THAP5: variants seen among roughly 807,000 people sequenced by gnomAD.
The protein encoded by THAP5 is THAP domain-containing protein 5.
A neutral mutation model predicts 34.0 loss-of-function variants in THAP5; 26 were observed. The ratio of observed to expected loss-of-function variants is 0.77; its 90% CI spans 0.56 to 1.06. THAP5 has a LOEUF of 1.06. Ranked by LOEUF, THAP5 falls within the 50% of genes least tolerant of loss-of-function variation. The pLI is 0.00. For synonymous variants in THAP5, 125 were observed against 153.0 expected (o/e 0.82, Z 1.35); for missense variants, 394 against 452.8 (o/e 0.87, Z 1.18).
intron 2 of THAP5, chr7:108,565,581 A>G: frequency 3.5e-6 from 1 of 288,270 alleles, no homozygotes; most frequent in Non-Finnish European, 6.4e-6. Flanking sequence ...CAAAAAAAGT[A>G]TAAAAAATAA....
chr7:108,566,358 T>G (rs556920022), intron 1 of THAP5, among the ~76,000 whole-genome samples: 1 of 152,360 alleles, frequency 6.6e-6, no homozygotes, highest in Admixed American at 6.5e-5. Flanking sequence ...TTTATATTGC[T>G]GTACAGTTTG....
downstream of THAP5, among the ~76,000 whole-genome samples, chr7:108,553,496 C>T (rs1864366648): frequency 6.6e-6 from 1 of 152,212 alleles, no homozygotes; most frequent in Admixed American, 6.5e-5. Flanking sequence ...TTTGTACTTA[C>T]TCTTTGGAAC....
rs1790446787 is a variant in THAP5, at chr7:108,564,750, G to C, written c.629C>G (p.Ser210Ter). The change falls in exon 3 of 3, where the codon TCA (serine) becomes TGA (stop). Residue 210 changes from serine (S) to a stop codon, truncating the protein, a stop_gained. Transcript: ENST00000415914. LOFTEE classifies it high-confidence loss of function. ...LNSTTITLTTSNSESIHQSLE... is the reference protein window; with the variant it reads ...LNSTTITLTT ...AGATTGATGAATACTTTCTGAATTT[G>C]AAGTTGTCAAAGTAATAGTTGTAGA... The C allele has an allele frequency of 6.2e-7, 1 of 1,613,402 alleles. No individual in the cohort carries two copies. The highest frequency in any genetic ancestry group is 1.7e-5 in the Admixed American group (1 of 59,948).
the THAP5 span, among the ~76,000 whole-genome samples, chr7:108,549,281 C>G: frequency 1.3e-5 from 2 of 151,980 alleles, no homozygotes; most frequent in Non-Finnish European, 2.9e-5. Context: ...ACCACCACGC[C>G]CAGCTAATTT....
At chr7:108,549,227 T>C in the THAP5 span, among the ~76,000 whole-genome samples, 1 of 151,958 alleles carries the variant, frequency 6.6e-6, no homozygotes, top group South Asian at 2.1e-4. Flanking sequence ...GTTCAAGTGA[T>C]TTTCCTGCCT....
chr7:108,565,243 C>T, intron 2 of THAP5, 138 bp from the exon 3 acceptor site: 2 of 607,694 alleles, frequency 3.3e-6, no homozygotes, highest in Non-Finnish European at 5.4e-6. Context: ...AGTATATATA[C>T]CTTAAAGTAT....
In THAP5 at chr7:108,565,034, G is replaced by C; in HGVS notation, c.345C>G (p.Ala115=). 1 of 1,544,782 alleles carries C rather than the reference G, an allele frequency of 6.5e-7. No homozygotes were observed. The highest frequency in any genetic ancestry group is 8.7e-7 in the Non-Finnish European group (1 of 1,143,898). The change falls in exon 3 of 3, where the codon GCC becomes GCG. Residue 115 remains alanine, a synonymous_variant. Transcript: ENST00000415914. ...LEDEKEVCPK[A]KSEESFVLNE... ...TTAATACAAATGATTCTTCTGACTT[G>C]GCTTTTGGGCATACTTCTTTCTCAT...
intron 1 of THAP5, chr7:108,569,068 A>G: frequency 4.0e-6 from 4 of 1,004,828 alleles, no homozygotes; most frequent in Non-Finnish European, 4.8e-6. Context: ...TCAGGAGAAA[A>G]GTGGGATGAA....
the THAP5 span, among the ~76,000 whole-genome samples, chr7:108,547,104 T>C: frequency 0.029 from 4,429 of 152,304 alleles, 103 homozygotes; most frequent in South Asian, 0.07. Flanking sequence ...AAAAAAGGAA[T>C]AGACATTTCT....
At chr7:108,548,780 T>A in the THAP5 span, among the ~76,000 whole-genome samples, 1 of 151,832 alleles carries the variant, frequency 6.6e-6, no homozygotes, top group Non-Finnish European at 1.5e-5. Context: ...AGAAAAGACC[T>A]CCCCCATGAT....
chr7:108,567,813 T>G (rs981431421), intron 1 of THAP5, among the ~76,000 whole-genome samples: 7 of 152,194 alleles, frequency 4.6e-5, no homozygotes, highest in African/African-American at 2.4e-5. Context: ...ACAAGAAAAT[T>G]TTTTAAAAAC....
Position 108,565,048 on chromosome 7 carries a change from C to A in THAP5, c.331G>T (p.Val111Leu), listed in dbSNP as rs1274409798. ...QKKNLEDEKE[V>L]CPKAKSEESF... ...TCTTCTGACTTGGCTTTTGGGCATACTTCTTTCTCATCTTCCAAGTTTTTC... is the reference window on the plus strand; with the variant it reads ...TCTTCTGACTTGGCTTTTGGGCATAATTCTTTCTCATCTTCCAAGTTTTTC... Residue 111 changes from valine to leucine, a missense_variant, in exon 3 of 3, where the codon GTA (valine) becomes TTA (leucine). By Grantham distance (32) the Val-to-Leu change is conservative. Transcript: ENST00000415914. 3 of 1,536,658 alleles carry A rather than the reference C, an allele frequency of 2.0e-6. No individual in the cohort carries two copies. Among genetic ancestry groups the A allele is most frequent in the East Asian group, 2.5e-5 (1 of 40,732 alleles).
downstream of THAP5, among the ~76,000 whole-genome samples, chr7:108,553,440 T>A (rs1206163132): frequency 6.6e-6 from 1 of 152,226 alleles, no homozygotes. Context: ...ATTGCACTTC[T>A]AGTGCTCCCA....
At chr7:108,561,460 G>C (rs371801145), downstream of THAP5, among the ~76,000 whole-genome samples, 36 of 150,324 alleles carry the variant, frequency 2.4e-4, no homozygotes, top group East Asian at 6.6e-3. Context: ...CTAGAGACAG[G>C]GTTTCACCAT....
chr7:108,548,033 C>T, the THAP5 span, among the ~76,000 whole-genome samples: 1 of 152,090 alleles, frequency 6.6e-6, no homozygotes, highest in African/African-American at 2.4e-5. Flanking sequence ...TGGTCCAGTC[C>T]CCAACCCTGG....
chr7:108,553,190 GC>G (rs1165778613), downstream of THAP5, among the ~76,000 whole-genome samples: 1 of 152,042 alleles, frequency 6.6e-6, no homozygotes, highest in African/African-American at 2.4e-5. Context: ...TTCAGTTGAG[GC>G]CCTCGATGCT....
rs1246581106 is a variant in THAP5, at chr7:108,562,939, TTAAG to T, written c.*1248_*1251del. 1.3e-5 allele frequency: 2 copies of T among 152,308 alleles called. No individual in the cohort carries two copies. Among genetic ancestry groups the T allele is most frequent in the African/African-American group, 2.4e-5 (1 of 41,576 alleles). 9.4% of individuals were successfully genotyped at this position (152,308 alleles called of 1,614,324 possible). A position where few individuals can be genotyped will look rare whatever the true frequency, so the allele number is the denominator to read the frequency against. ...TATACGTAAGTGGGAATGTACAGTA[TTAAG>T]TATTACTCTATTATTCTGGAATTTA... On this transcript the variant is annotated 3_prime_UTR_variant, in exon 3 of 3. Transcript: ENST00000415914.
At chr7:108,558,139 C>T (rs537764534), downstream of THAP5, among the ~76,000 whole-genome samples, 17 of 151,726 alleles carry the variant, frequency 1.1e-4, no homozygotes, top group East Asian at 3.9e-4. Flanking sequence ...CCCACTAGAC[C>T]CCCCTTCCTC....
chr7:108,569,075 T>G, intron 1 of THAP5: 1 of 1,011,412 alleles, frequency 9.9e-7, no homozygotes, highest in Non-Finnish European at 1.2e-6. Flanking sequence ...AAAAGTGGGA[T>G]GAAATTATAC....
Sources: gnomAD v4.1 joint callset for allele counts (sites outside exome capture counted in the v4.1 genomes callset) on GRCh38, gnomAD v4.1.1 for gene constraint, MANE v1.5 for transcripts, NCBI Gene and HGNC (gene_info 2026-07-23, HGNC 2026-07-21) for gene names.